The following ERAP1 variants were observed in gnomAD, a reference collection of about 807,000 sequenced individuals.
ERAP1 encodes adipocyte-derived leucine aminopeptidase.
In ERAP1, 86 loss-of-function variants were observed where a neutral mutation model predicts 103.7. The ratio of observed to expected loss-of-function variants is 0.83; its 90% CI spans 0.70 to 0.99. The LOEUF (loss-of-function observed/expected upper bound fraction) is 0.99, where lower values mean the gene tolerates loss of function less well. Among genes scored for constraint, ERAP1 ranks in the 50% least tolerant of loss-of-function variants. The pLI, the probability that ERAP1 is intolerant of heterozygous loss-of-function variation, is 0.00. For missense variants in ERAP1, 1,009 were observed against 1,128.4 expected, an observed-to-expected ratio of 0.89 and a Z score of 1.52; for synonymous variants, 398 against 402.4, an observed-to-expected ratio of 0.99 and a Z score of 0.13.
At chr5:96,898,145 G>A in the ERAP1 span, among the ~76,000 whole-genome samples, 12 of 152,094 alleles carry the variant, frequency 7.9e-5, no homozygotes, top group African/African-American at 2.4e-4. Context: ...GCAGTGAGCC[G>A]AGATTGCACC....
chr5:96,785,075 G>A (rs1775807220), intron 13 of ERAP1: 2 of 152,900 alleles, frequency 1.3e-5, no homozygotes, highest in Non-Finnish European at 2.9e-5. Context: ...ACGGGTATGA[G>A]GAGAAAGAGA....
intron 10 of ERAP1, 88 bp downstream of exon 10, chr5:96,790,208 C>T (rs975917733): frequency 5.0e-5 from 56 of 1,127,370 alleles, no homozygotes; most frequent in Non-Finnish European, 7.1e-5. Context: ...AATCAAGGAC[C>T]TCAGAAAGTT....
downstream of ERAP1, chr5:96,774,377 G>A (rs1773561497): frequency 1.5e-5 from 5 of 338,070 alleles, no homozygotes; most frequent in South Asian, 1.2e-4. Context: ...AAATATCTTC[G>A]AGACTTGGGT....
the ERAP1 span, chr5:96,883,996 T>C: frequency 2.1e-6 from 3 of 1,450,718 alleles, no homozygotes; most frequent in African/African-American, 1.4e-5. Context: ...CGTTTGTTTT[T>C]TAAAATTGCT....
At chr5:96,787,787 T>C (rs796113831) in intron 11 of ERAP1, among the ~76,000 whole-genome samples, 5 of 140,770 alleles carry the variant, frequency 3.6e-5, no homozygotes, top group Non-Finnish European at 7.6e-5. Context: ...GTATATATTA[T>C]ATATATATAT....
the ERAP1 span, among the ~76,000 whole-genome samples, chr5:96,851,118 G>C: frequency 6.6e-6 from 1 of 152,152 alleles, no homozygotes; most frequent in East Asian, 1.9e-4. Flanking sequence ...AAGGGTTTCA[G>C]GTAATTAAAA....
At chr5:96,930,742 G>C in the ERAP1 span, among the ~76,000 whole-genome samples, 1 of 152,188 alleles carries the variant, frequency 6.6e-6, no homozygotes, top group Admixed American at 6.5e-5. Flanking sequence ...GCTGTACTTT[G>C]TCTAAGAAAC....
intron 3 of ERAP1, among the ~76,000 whole-genome samples, chr5:96,798,424 C>G (rs1247850449): frequency 2.0e-5 from 3 of 150,784 alleles, no homozygotes; most frequent in African/African-American, 7.3e-5. Context: ...GATGGAGGTA[C>G]AGTCTTAGAG....
the ERAP1 span, among the ~76,000 whole-genome samples, chr5:96,866,865 C>G: frequency 6.6e-6 from 1 of 152,200 alleles, no homozygotes; most frequent in African/African-American, 2.4e-5. Flanking sequence ...GAGTTCCATA[C>G]TGCCTCTCTG....
intron 18 of ERAP1, among the ~76,000 whole-genome samples, chr5:96,777,361 T>C (rs1027006143): frequency 3.9e-5 from 6 of 152,188 alleles, no homozygotes; most frequent in Non-Finnish European, 5.9e-5. Context: ...GAAGCGAATG[T>C]AGACCATGAT....
chr5:96,894,905 G>A, the ERAP1 span, among the ~76,000 whole-genome samples: 4 of 151,882 alleles, frequency 2.6e-5, no homozygotes, highest in Non-Finnish European at 5.9e-5. Flanking sequence ...GTTCTTATTG[G>A]GCAGGAAAGA....
chr5:96,919,642 GATA>G, the ERAP1 span: 15 of 152,068 alleles, frequency 9.9e-5, no homozygotes, highest in Admixed American at 6.5e-4. Flanking sequence ...ATTATTTGAT[GATA>G]ATATGAGAAT....
At chr5:96,935,820 C>A in the ERAP1 span, 3 of 332,846 alleles carry the variant, frequency 9.0e-6, no homozygotes, top group Non-Finnish European at 1.7e-5. Context: ...GACTGAACAC[C>A]GTTCCCGGCC....
the ERAP1 span, among the ~76,000 whole-genome samples, chr5:96,856,365 TAGAGAG>T: frequency 2.2e-3 from 44 of 20,382 alleles, no homozygotes; most frequent in Non-Finnish European, 3.3e-3. Flanking sequence ...TATATATATA[TAGAGAG>T]AGAGAGAGAG....
rs1323303226 is a variant in ERAP1, at chr5:96,789,673, G to A, written c.1524+623C>T. Among the ~76,000 whole-genome samples the A allele has an allele frequency of 2.0e-5, 3 of 152,152 alleles. No homozygotes were observed. The East Asian group carries it at 5.8e-4, about 29-fold the overall frequency. ...CCTCTGAAAACATCCCACAAGTCCA[G>A]ATGAACAGAGACTCAGGCTGTTTTG... is the stretch of plus-strand genomic sequence containing the variant. On this transcript the variant is annotated intron_variant, in intron 10 of 18. Transcript: ENST00000443439.
At chr5:96,798,149 C>A (rs1359873620) in intron 3 of ERAP1, among the ~76,000 whole-genome samples, 1 of 151,822 alleles carries the variant, frequency 6.6e-6, no homozygotes, top group Non-Finnish European at 1.5e-5. Context: ...CACGGTGGAA[C>A]CCCATCTCTA....
chr5:96,897,702 T>C, the ERAP1 span, among the ~76,000 whole-genome samples: 1 of 152,200 alleles, frequency 6.6e-6, no homozygotes, highest in Non-Finnish European at 1.5e-5. Context: ...ATGATTCTAA[T>C]AATTATTAAA....
At chr5:96,875,992 G>A in the ERAP1 span, 1 of 152,474 alleles carries the variant, frequency 6.6e-6, no homozygotes, top group Non-Finnish European at 1.5e-5. Context: ...ATGAGATACA[G>A]TCCCCTCGTG....
chr5:96,854,454 C>CA, the ERAP1 span, among the ~76,000 whole-genome samples: 3,066 of 148,790 alleles, frequency 0.021, 52 homozygotes, highest in African/African-American at 0.046. Flanking sequence ...AAACAAACAA[C>CA]AAAAAAAAAA....
Sources: allele counts gnomAD v4.1 joint callset (sites outside exome capture counted in the v4.1 genomes callset), GRCh38; gene constraint gnomAD v4.1.1; transcripts MANE v1.5; gene names NCBI Gene and HGNC (gene_info 2026-07-23, HGNC 2026-07-21).